Variants in CWF19L2 observed in about 807,000 individuals in gnomAD.
CWF19L2 encodes the protein CWF19-like protein 2.
In CWF19L2, 98 loss-of-function variants were observed where a neutral mutation model predicts 111.7. The observed-to-expected ratio is 0.88, with a 90% CI of 0.75 to 1.04. The LOEUF is 1.04. CWF19L2 is among the 50% of genes least tolerant of loss of function. CWF19L2 has a pLI of 0.00. For synonymous variants in CWF19L2, 351 were observed against 342.9 expected (o/e 1.02, Z -0.26); for missense variants, 1,101 against 1,051.4 (o/e 1.05, Z -0.65).
chr11:107,433,876 A>T, intron 6 of CWF19L2, 127 bp from the exon 7 acceptor site: 1 of 129,036 alleles, frequency 7.7e-6, no homozygotes, highest in Non-Finnish European at 1.4e-5. Context: ...GTGCCTTTGG[A>T]ATTTTATATA....
At chr11:107,363,199 G>T (rs1248924263) in intron 12 of CWF19L2, among the ~76,000 whole-genome samples, 1 of 152,080 alleles carries the variant, frequency 6.6e-6, no homozygotes, top group East Asian at 1.9e-4. Flanking sequence ...ACGTCGGATT[G>T]GTGTACCTGA....
intron 10 of CWF19L2, chr11:107,404,168 C>A: frequency 1.3e-6 from 1 of 775,958 alleles, no homozygotes; most frequent in Non-Finnish European, 2.4e-6. Flanking sequence ...TTTGCATTTA[C>A]GTAAGCAAGG....
In CWF19L2 at chr11:107,334,900, G is replaced by C; in HGVS notation, c.2420C>G (p.Ser807Ter). ...SMNKKLIDLS[S>*]KDIRKSVPRG... is the part of the protein sequence containing the mutation. ...ACTTACAGACTTTCTGATATCTTTT[G>C]AAGAGAGATCTATCAACTTCTTGTT... The change falls in exon 16 of 18, where the codon TCA becomes TGA. Residue 807 changes from serine (S) to a stop codon, truncating the protein, a stop_gained. Coordinates refer to ENST00000282251, the MANE Select transcript of CWF19L2 (RefSeq NM_152434.3). LOFTEE classifies it high-confidence loss of function. 6.2e-7 allele frequency: 1 copy of C among 1,600,798 alleles called. No individual in the cohort carries two copies. Among genetic ancestry groups the C allele is most frequent in the Non-Finnish European group, 8.6e-7 (1 of 1,168,606 alleles).
At chr11:107,358,583 A>C (rs1860274422) in intron 12 of CWF19L2, among the ~76,000 whole-genome samples, 1 of 152,232 alleles carries the variant, frequency 6.6e-6, no homozygotes, top group African/African-American at 2.4e-5. Context: ...TGCTAAGTGA[A>C]AAAAGTCAGT....
intron 11 of CWF19L2, 30 bp from the exon 12 acceptor site, chr11:107,390,241 T>C: frequency 6.5e-7 from 1 of 1,534,308 alleles, no homozygotes; most frequent in Non-Finnish European, 8.8e-7. Context: ...ATTAATTTAA[T>C]GAAAACATGA....
At chr11:107,409,618 C>A (rs182550278) in intron 10 of CWF19L2, among the ~76,000 whole-genome samples, 1 of 152,176 alleles carries the variant, frequency 6.6e-6, no homozygotes, top group African/African-American at 2.4e-5. Context: ...TATGGAAGGG[C>A]AGATTAGGAC....
intron 10 of CWF19L2, among the ~76,000 whole-genome samples, chr11:107,401,268 G>A (rs1860995211): frequency 6.6e-6 from 1 of 152,156 alleles, no homozygotes; most frequent in Non-Finnish European, 1.5e-5. Flanking sequence ...TAAAGAGGAA[G>A]TCAAACTGTC....
At chr11:107,418,358 A>C in intron 8 of CWF19L2, 71 bp from the exon 9 acceptor site, 1 of 971,952 alleles carries the variant, frequency 1.0e-6, no homozygotes, top group Non-Finnish European at 1.7e-6. Flanking sequence ...CAAGACTCAA[A>C]TGTTATTTTA....
At chr11:107,360,788 T>C (rs1297221860) in intron 12 of CWF19L2, among the ~76,000 whole-genome samples, 1 of 152,232 alleles carries the variant, frequency 6.6e-6, no homozygotes, top group Non-Finnish European at 1.5e-5. Context: ...ATATCCTCTT[T>C]TGAAAGATAT....
At chr11:107,393,836 T>C (rs1332931089) in intron 10 of CWF19L2, among the ~76,000 whole-genome samples, 1 of 151,994 alleles carries the variant, frequency 6.6e-6, no homozygotes, top group Non-Finnish European at 1.5e-5. Context: ...TGGGTACACA[T>C]GGACATAAAG....
At chr11:107,355,919 C>T (rs1860230626) in intron 12 of CWF19L2, among the ~76,000 whole-genome samples, 1 of 152,108 alleles carries the variant, frequency 6.6e-6, no homozygotes, top group East Asian at 1.9e-4. Flanking sequence ...CCCAACAGCG[C>T]AAAATATACG....
At chr11:107,437,775 T>C (rs1861563529) in intron 6 of CWF19L2, among the ~76,000 whole-genome samples, 1 of 152,178 alleles carries the variant, frequency 6.6e-6, no homozygotes, top group Non-Finnish European at 1.5e-5. Flanking sequence ...ACTGGCAAGA[T>C]CCAAAGATTG....
intron 17 of CWF19L2, among the ~76,000 whole-genome samples, chr11:107,328,511 G>A (rs1859796676): frequency 6.6e-6 from 1 of 152,142 alleles, no homozygotes; most frequent in Admixed American, 6.6e-5. Flanking sequence ...GGGAGGTCTT[G>A]AGCCCACAGG....
chr11:107,387,827 T>C (rs959530889), intron 12 of CWF19L2, among the ~76,000 whole-genome samples: 5 of 152,170 alleles, frequency 3.3e-5, no homozygotes, highest in Admixed American at 6.5e-5. Flanking sequence ...TCCGCTCACC[T>C]CTTGCTGTGC....
intron 12 of CWF19L2, among the ~76,000 whole-genome samples, chr11:107,364,223 G>A (rs1289336472): frequency 2.8e-5 from 4 of 141,774 alleles, no homozygotes; most frequent in Non-Finnish European, 6.1e-5. Context: ...CATTAATAAT[G>A]GGAGACTTTA....
chr11:107,378,387 A>G (rs1457468684), intron 12 of CWF19L2, among the ~76,000 whole-genome samples: 1 of 151,576 alleles, frequency 6.6e-6, no homozygotes, highest in African/African-American at 2.4e-5. Context: ...ACAATGATAG[A>G]CTGGATTAAG....
chr11:107,381,468 A>G (rs904676533), intron 12 of CWF19L2, among the ~76,000 whole-genome samples: 1 of 152,188 alleles, frequency 6.6e-6, no homozygotes, highest in Non-Finnish European at 1.5e-5. Context: ...AAAAGGCAAA[A>G]TATCACGTTA....
chr11:107,410,600 G>A (rs905609058), intron 10 of CWF19L2, among the ~76,000 whole-genome samples: 15 of 152,238 alleles, frequency 9.9e-5, no homozygotes, highest in African/African-American at 3.4e-4. Context: ...CTAATCTACT[G>A]AGTACTGAAG....
intron 10 of CWF19L2, among the ~76,000 whole-genome samples, chr11:107,413,227 G>A (rs1861182693): frequency 6.6e-6 from 1 of 152,160 alleles, no homozygotes; most frequent in Non-Finnish European, 1.5e-5. Flanking sequence ...TGGAGGGGCA[G>A]GAAGTGTATG....
Sources: allele counts gnomAD v4.1 joint callset (sites outside exome capture counted in the v4.1 genomes callset), GRCh38; gene constraint gnomAD v4.1.1; transcripts MANE v1.5; gene names NCBI Gene and HGNC (gene_info 2026-07-23, HGNC 2026-07-21).